The following KIAA1217 variants were observed in gnomAD, a reference collection of about 807,000 sequenced individuals.
KIAA1217 encodes sickle tail protein homolog.
Under a neutral mutation model 163.9 loss-of-function variants are expected in KIAA1217, and 88 were observed. The ratio of observed to expected loss-of-function variants is 0.54; its 90% CI spans 0.45 to 0.64. KIAA1217 has a LOEUF of 0.64. Ranked by LOEUF, KIAA1217 falls within the 30% of genes least tolerant of loss-of-function variation. The probability of loss-of-function intolerance (pLI) is 0.00; values close to 1 mark genes in which losing one functional copy is unlikely to be tolerated. For missense variants in KIAA1217, 2,372 were observed against 2,475.0 expected (o/e 0.96, Z 0.88); for synonymous variants, 903 against 923.1 (o/e 0.98, Z 0.39).
rs183697187 is a variant in KIAA1217 at position 24,480,186 on chromosome 10, C to T, written c.1679+6126C>T. Reference sequence around the variant, plus strand: ...CCCTGCCCAGGGGGGCAAAATGCCCCAGCTTAGAAACGTTGCTCTAAAGGA... The same window carrying T: ...CCCTGCCCAGGGGGGCAAAATGCCCTAGCTTAGAAACGTTGCTCTAAAGGA... On this transcript the variant is annotated intron_variant, in intron 6 of 20. Transcript: ENST00000376454. 2.8e-4 allele frequency among the ~76,000 whole-genome samples: 43 copies of T among 152,360 alleles called. No individual in the cohort carries two copies. The East Asian group carries it at 7.5e-3, about 27-fold the overall frequency.
intron 2 of KIAA1217, among the ~76,000 whole-genome samples, chr10:24,096,296 C>T (rs1352723173): frequency 1.3e-5 from 2 of 152,114 alleles, no homozygotes; most frequent in Admixed American, 1.3e-4. Context: ...CATGGCTGAT[C>T]ATTCTCATTC....
chr10:24,090,372 G>T (rs1328269866), intron 2 of KIAA1217, among the ~76,000 whole-genome samples: 3 of 125,452 alleles, frequency 2.4e-5, no homozygotes, highest in Non-Finnish European at 4.7e-5. Flanking sequence ...AAGAGACAGG[G>T]TCTTGCTATA....
intron 1 of KIAA1217, among the ~76,000 whole-genome samples, chr10:23,723,878 A>G (rs1203327569): frequency 6.6e-6 from 1 of 152,176 alleles, no homozygotes; most frequent in Non-Finnish European, 1.5e-5. Flanking sequence ...TTATAAAGAA[A>G]AGAGGTTTAA....
chr10:24,127,760 A>G (rs2063517715), intron 2 of KIAA1217, among the ~76,000 whole-genome samples: 1 of 152,236 alleles, frequency 6.6e-6, no homozygotes, highest in African/African-American at 2.4e-5. Flanking sequence ...TAATTAGTTG[A>G]TTAAAAAGAA....
intron 1 of KIAA1217, among the ~76,000 whole-genome samples, chr10:23,832,076 C>T (rs1024944016): frequency 1.3e-5 from 2 of 151,904 alleles, no homozygotes; most frequent in African/African-American, 2.4e-5. Context: ...GAGATAGTGT[C>T]AGATCTCTCA....
At chr10:24,093,311 C>T (rs1182222716) in intron 2 of KIAA1217, among the ~76,000 whole-genome samples, 1 of 151,754 alleles carries the variant, frequency 6.6e-6, no homozygotes, top group Non-Finnish European at 1.5e-5. Context: ...GCTGGGATTA[C>T]AGGCACCTGC....
intron 2 of KIAA1217, among the ~76,000 whole-genome samples, chr10:24,147,438 A>G (rs1011981247): frequency 6.6e-6 from 1 of 152,182 alleles, no homozygotes; most frequent in East Asian, 1.9e-4. Flanking sequence ...GCCAGTTAAT[A>G]TATCTGAGTT....
chr10:24,152,997 A>G (rs150889902), intron 2 of KIAA1217, among the ~76,000 whole-genome samples: 59 of 152,350 alleles, frequency 3.9e-4, no homozygotes, highest in African/African-American at 1.4e-3. Flanking sequence ...AAAGTCTACA[A>G]GAAGAACCTA....
chr10:23,814,487 T>C (rs1273201633), intron 1 of KIAA1217, among the ~76,000 whole-genome samples: 1 of 152,182 alleles, frequency 6.6e-6, no homozygotes, highest in African/African-American at 2.4e-5. Flanking sequence ...CCATGACTGT[T>C]CACTCAGTAT....
At chr10:23,769,602 G>T (rs985425874) in intron 1 of KIAA1217, among the ~76,000 whole-genome samples, 1 of 152,158 alleles carries the variant, frequency 6.6e-6, no homozygotes, top group African/African-American at 2.4e-5. Context: ...TAGTTCAGCC[G>T]ATGTCCAGGA....
intron 1 of KIAA1217, among the ~76,000 whole-genome samples, chr10:23,853,887 T>C (rs1839500488): frequency 6.6e-6 from 1 of 152,194 alleles, no homozygotes; most frequent in African/African-American, 2.4e-5. Flanking sequence ...TTATTGCATC[T>C]ATTTGATTCT....
intron 2 of KIAA1217, among the ~76,000 whole-genome samples, chr10:24,365,195 T>G (rs1224392762): frequency 6.6e-6 from 1 of 152,162 alleles, no homozygotes; most frequent in Admixed American, 6.5e-5. Context: ...TTTCATTTTC[T>G]TTGTTGTAAG....
rs1051090474 is a variant in KIAA1217 at position 23,828,766 on chromosome 10, G to C, written c.-321+133532G>C. Among the ~76,000 whole-genome samples, 17 of 152,298 alleles carry C rather than the reference G, an allele frequency of 1.1e-4. No homozygotes were observed. In the East Asian group the frequency reaches 3.1e-3, roughly 28 times the overall value. ...GATTGTGTGGCTTGGGAGTGACAGA[G>C]TTGGGATTTCAACCTAGGTGCATGT... On this transcript the variant is annotated intron_variant, in intron 1 of 18. Coordinates refer to the KIAA1217 transcript ENST00000376462.
chr10:24,038,329 CA>C (rs1439110115), intron 2 of KIAA1217, among the ~76,000 whole-genome samples: 1 of 152,158 alleles, frequency 6.6e-6, no homozygotes, highest in African/African-American at 2.4e-5. Flanking sequence ...GTGGATGAAC[CA>C]GCTTTACTTA....
chr10:23,941,566 T>C (rs1339422638), intron 1 of KIAA1217, among the ~76,000 whole-genome samples: 1 of 152,138 alleles, frequency 6.6e-6, no homozygotes, highest in Non-Finnish European at 1.5e-5. Flanking sequence ...GTTTGACATG[T>C]CACAGTGACT....
intron 2 of KIAA1217, among the ~76,000 whole-genome samples, chr10:24,306,837 C>T (rs1342199733): frequency 1.3e-5 from 2 of 152,208 alleles, no homozygotes; most frequent in East Asian, 3.9e-4. Flanking sequence ...ACTGACATAA[C>T]TGTCTTAGTA....
chr10:24,542,893 G>C lies in KIAA1217; in HGVS notation c.3623G>C (p.Gly1208Ala). 1 of 1,610,548 alleles carries C rather than the reference G, an allele frequency of 6.2e-7. No individual in the cohort carries two copies. The highest frequency in any genetic ancestry group is 1.1e-5 in the South Asian group (1 of 90,500). Residue 1208 changes from glycine to alanine, a missense_variant, in exon 19 of 21, where the codon GGG becomes GCG. By Grantham distance (60) the Gly-to-Ala change is moderately conservative. Around this residue, in one of 3 missense-constraint regions of KIAA1217, gnomAD observed 251 missense variants for 327.3 expected, o/e 0.77. Transcript: ENST00000376454. ...PQMEFQKVTT[G>A]AVRPSDPPKW... is the part of the protein sequence containing the mutation. ...CGTTCTCCCTCTCAGGTTACCACAG[G>C]GGCTGTAAGACCTAGTGACCCTCCT...
chr10:24,315,918 A>G (rs1244405749), intron 2 of KIAA1217, among the ~76,000 whole-genome samples: 5 of 106,590 alleles, frequency 4.7e-5, no homozygotes, highest in African/African-American at 2.0e-4. Context: ...GTTTATCTTT[A>G]TTTTATCTAA....
rs375788454 is a variant in KIAA1217, at chr10:24,533,190, G to A, written c.3367G>A (p.Glu1123Lys). Reference sequence around the variant, plus strand: ...TGTCACCACCTCCTCCTCAAAGGATGAGGAGGAAGAAGAAGAAGAAGGAGA... The same window carrying A: ...TGTCACCACCTCCTCCTCAAAGGATAAGGAGGAAGAAGAAGAAGAAGGAGA... ...PPVTTSSSKD[E>K]EEEEEEGDKI... Residue 1123 changes from glutamate to lysine, a missense_variant, in exon 16 of 21, where the codon GAG becomes AAG. This residue lies in a region of KIAA1217 where 1,431 missense variants were observed against 1,470.3 expected (regional missense o/e 0.97). Coordinates refer to ENST00000376454, the MANE Select transcript of KIAA1217 (RefSeq NM_019590.5). 3 of 1,613,434 alleles carry A rather than the reference G, an allele frequency of 1.9e-6. No homozygotes were observed.
Sources: allele counts gnomAD v4.1 joint callset (sites outside exome capture counted in the v4.1 genomes callset), GRCh38; gene constraint gnomAD v4.1.1; regional missense constraint gnomAD v4.1.1; transcripts MANE v1.5; gene names NCBI Gene and HGNC (gene_info 2026-07-23, HGNC 2026-07-21).